Variants in ANKRD42 observed in about 807,000 individuals in gnomAD.
The protein encoded by ANKRD42 is ankyrin repeat domain-containing protein 42.
A neutral mutation model predicts 51.5 loss-of-function variants in ANKRD42; 43 were observed. The observed-to-expected ratio is 0.83, with a 90% CI of 0.65 to 1.08. The LOEUF is 1.08. Ranked by LOEUF, ANKRD42 falls within the 50% of genes least tolerant of loss-of-function variation. The pLI is 0.00. For missense variants in ANKRD42, 608 were observed against 629.3 expected (o/e 0.97, Z 0.36); for synonymous variants, 203 against 213.0 (o/e 0.95, Z 0.41).
rs1862060410 is a variant in ANKRD42, at chr11:83,206,089, A to G, written c.254A>G (p.Asp85Gly). 12 of 1,614,088 alleles carry G rather than the reference A, an allele frequency of 7.4e-6. No individual in the cohort carries two copies. The highest frequency in any genetic ancestry group is 9.3e-6 in the Non-Finnish European group (11 of 1,179,936). Residue 85 changes from aspartate to glycine, a missense_variant, in exon 3 of 11, where the codon GAT (aspartate) becomes GGT (glycine). Asp to Gly is a moderately conservative substitution (Grantham distance 94). Transcript: ENST00000533342. The part of the protein sequence containing the change: ...CLHWLLWHGA[D>G]ITHVTTRGWT... Reference sequence around the variant, plus strand: ...CATTGGCTGCTCTGGCATGGAGCTGATATCACACACGTAACAACGAGAGGT... The same window carrying G: ...CATTGGCTGCTCTGGCATGGAGCTGGTATCACACACGTAACAACGAGAGGT...
At chr11:83,227,914 C>T (rs1038468282) in intron 7 of ANKRD42, 42 bp downstream of exon 7, 4 of 1,544,982 alleles carry the variant, frequency 2.6e-6, no homozygotes, top group African/African-American at 1.4e-5. Flanking sequence ...ACAATAGCTG[C>T]TGAGTTATTC....
At chr11:83,228,124 T>G (rs144403536) in intron 7 of ANKRD42, among the ~76,000 whole-genome samples, 2,318 of 151,998 alleles carry the variant, frequency 0.015, 65 homozygotes, top group African/African-American at 0.053. Flanking sequence ...AGTGACATTG[T>G]CATGTTAGTT....
downstream of ANKRD42, chr11:83,259,982 T>A (rs1863854758): frequency 6.6e-6 from 1 of 152,226 alleles, no homozygotes; most frequent in Admixed American, 6.5e-5. Context: ...ACAGAATGAA[T>A]GTCTCTTCAG....
At chr11:83,241,896 A>G (rs1863398282) in intron 9 of ANKRD42, among the ~76,000 whole-genome samples, 1 of 152,194 alleles carries the variant, frequency 6.6e-6, no homozygotes, top group Non-Finnish European at 1.5e-5. Context: ...TTAGGTGGGA[A>G]GAGAACATAC....
intron 5 of ANKRD42, chr11:83,213,478 A>C (rs769440886): frequency 9.5e-6 from 13 of 1,368,250 alleles, no homozygotes; most frequent in African/African-American, 1.5e-5. Context: ...ACAACAACAA[A>C]AAATTATTTT....
intron 11 of ANKRD42, among the ~76,000 whole-genome samples, chr11:83,254,989 G>A (rs968960944): frequency 1.3e-5 from 2 of 152,134 alleles, no homozygotes; most frequent in South Asian, 2.1e-4. Context: ...TTTTCCAGGC[G>A]GTGTTGGATA....
rs900266876 is a variant in ANKRD42, at chr11:83,214,665, G to C, written c.586+3235G>C. On this transcript the variant is annotated intron_variant, in intron 5 of 10. Coordinates refer to ENST00000533342, the MANE Select transcript of ANKRD42 (RefSeq NM_001300975.2). ...ATTCATTTGTATCAAATTTGATAAT[G>C]TATAAAGATCAAATCAAGGTAATTG... The C allele has an allele frequency of 4.7e-6, 3 of 644,556 alleles. No homozygotes were observed. In the African/African-American group the frequency reaches 5.9e-5, roughly 13 times the overall value. The allele number at this position is 644,556 out of a possible 1,614,324, so 39.9% of individuals were successfully genotyped here.
At position 83,211,385 on chromosome 11, in the gene ANKRD42, T is replaced by C. The variant is rs140132570; in HGVS notation, c.541T>C (p.Trp181Arg). 37 of 1,614,078 alleles carry C rather than the reference T, an allele frequency of 2.3e-5. No individual in the cohort carries two copies. Among genetic ancestry groups the C allele is most frequent in the Non-Finnish European group, 3.1e-5 (36 of 1,180,024 alleles). Residue 181 changes from tryptophan (W) to arginine (R), a missense_variant, in exon 5 of 11, where the codon TGG becomes CGG. Transcript: ENST00000533342. ...TGGCTGCTTGCAACTTCTTGTTAAATGGGGTTGTAGCATAGAAGATGTGGA... is the reference window on the plus strand; with the variant it reads ...TGGCTGCTTGCAACTTCTTGTTAAACGGGGTTGTAGCATAGAAGATGTGGA... Reference protein sequence around the residue: ...RLGCLQLLVKWGCSIEDVDYN... With the variant: ...RLGCLQLLVKRGCSIEDVDYN...
downstream of ANKRD42, among the ~76,000 whole-genome samples, chr11:83,257,101 C>T (rs900366464): frequency 6.6e-6 from 1 of 152,078 alleles, no homozygotes; most frequent in Non-Finnish European, 1.5e-5. Context: ...ATAGGTGAGT[C>T]ATTTTTTAAC....
At chr11:83,196,388 A>C (rs1410887112) in intron 1 of ANKRD42, among the ~76,000 whole-genome samples, 1 of 114,734 alleles carries the variant, frequency 8.7e-6, no homozygotes, top group Non-Finnish European at 1.7e-5. Flanking sequence ...TTTGTGTGTG[A>C]GTGTGTGAGA....
rs1861557867 is a variant in ANKRD42, at chr11:83,194,659, A to C, written c.-12A>C. On this transcript the variant is annotated 5_prime_UTR_variant, in exon 1 of 11. Transcript: ENST00000533342. ...GGACTCAACTCCTCCCCAGAGTCGG[A>C]GGTGTTGCGCCATGCCCGGGGTGGC... 1.2e-6 allele frequency: 2 copies of C among 1,613,682 alleles called. No homozygotes were observed. Among genetic ancestry groups the C allele is most frequent in the Non-Finnish European group, 1.7e-6 (2 of 1,179,974 alleles).
At chr11:83,200,154 A>G (rs994842441) in intron 2 of ANKRD42, among the ~76,000 whole-genome samples, 7 of 151,946 alleles carry the variant, frequency 4.6e-5, no homozygotes, top group African/African-American at 1.7e-4. Flanking sequence ...ATTCTAATAG[A>G]CATCAGGATA....
downstream of ANKRD42, chr11:83,256,130 ATTC>A (rs1863769420): frequency 2.6e-6 from 1 of 391,370 alleles, no homozygotes; most frequent in Non-Finnish European, 4.6e-6. Context: ...TTCTCCCGAT[ATTC>A]TTCTTATATA....
rs376224875 is a variant in ANKRD42, at chr11:83,230,954, A to T, written c.913+3082A>T. 9.3e-4 allele frequency among the ~76,000 whole-genome samples: 142 copies of T among 152,246 alleles called. 1 individual carries two copies. The highest frequency in any genetic ancestry group is 3.1e-3 in the African/African-American group (129 of 41,542). ...ATGTACCACATTTTCTTTACCATTT[A>T]TCTGTTGGTGGACACTTAGATTGCT... is the stretch of plus-strand genomic sequence containing the variant. On this transcript the variant is annotated intron_variant, in intron 7 of 10. Coordinates refer to ENST00000533342, the MANE Select transcript of ANKRD42 (RefSeq NM_001300975.2).
At chr11:83,196,540 T>TCC (rs1861664969) in intron 1 of ANKRD42, among the ~76,000 whole-genome samples, 1 of 152,218 alleles carries the variant, frequency 6.6e-6, no homozygotes, top group African/African-American at 2.4e-5. Flanking sequence ...GATGTAACTT[T>TCC]CCCCAGGAAT....
At chr11:83,256,127 G>A (rs899897723), downstream of ANKRD42, 7 of 394,944 alleles carry the variant, frequency 1.8e-5, no homozygotes, top group Admixed American at 4.2e-5. Flanking sequence ...ACCTTCTCCC[G>A]ATATTCTTCT....
intron 9 of ANKRD42, 44 bp downstream of exon 9, chr11:83,240,978 C>CTT (rs755652756): frequency 1.3e-6 from 2 of 1,558,768 alleles, no homozygotes; most frequent in Non-Finnish European, 1.7e-6. Flanking sequence ...TCAGAAATAC[C>CTT]ACAGCCACTT....
At chr11:83,236,930 G>T (rs539503394) in intron 8 of ANKRD42, among the ~76,000 whole-genome samples, 61 of 152,284 alleles carry the variant, frequency 4.0e-4, no homozygotes, top group African/African-American at 1.3e-3. Flanking sequence ...ATTAATAATA[G>T]AAAAATAAGT....
intron 5 of ANKRD42, among the ~76,000 whole-genome samples, chr11:83,219,863 A>G (rs1229153872): frequency 6.6e-6 from 1 of 152,192 alleles, no homozygotes; most frequent in Non-Finnish European, 1.5e-5. Flanking sequence ...GCCCTTCAAA[A>G]TGGCCATCAA....
Sources: allele counts gnomAD v4.1 joint callset (sites outside exome capture counted in the v4.1 genomes callset), GRCh38; gene constraint gnomAD v4.1.1; transcripts MANE v1.5; gene names NCBI Gene and HGNC (gene_info 2026-07-23, HGNC 2026-07-21).